NPEPPS: variants seen among roughly 807,000 people sequenced by gnomAD.
The protein encoded by NPEPPS is aminopeptidase puromycin sensitive.
In NPEPPS, 14 loss-of-function variants were observed where a neutral mutation model predicts 115.5. That is an observed-to-expected ratio of 0.12 (90% CI 0.08 to 0.19). The LOEUF (loss-of-function observed/expected upper bound fraction) is 0.19. NPEPPS is among the 10% of genes least tolerant of loss of function. The pLI is 1.00. For missense variants in NPEPPS, 523 were observed against 1,110.8 expected (o/e 0.47, Z 7.52); for synonymous variants, 285 against 390.6 (o/e 0.73, Z 3.19).
At chr17:47,580,503 G>A (rs561483298) in intron 4 of NPEPPS, 1 of 152,026 alleles carries the variant, frequency 6.6e-6, no homozygotes, top group Non-Finnish European at 1.5e-5. Flanking sequence ...GATTTACTGG[G>A]TATATAGATT....
At chr17:47,609,203 T>G (rs773145780) in intron 17 of NPEPPS, among the ~76,000 whole-genome samples, 44 of 152,172 alleles carry the variant, frequency 2.9e-4, no homozygotes, top group South Asian at 6.2e-4. Context: ...ATTGCTATAG[T>G]GACAGCTGAA....
intron 12 of NPEPPS, 38 bp downstream of exon 12, chr17:47,592,583 G>T (rs367725452): frequency 6.6e-7 from 1 of 1,522,494 alleles, no homozygotes; most frequent in African/African-American, 1.4e-5. Context: ...TGGAGAGAAA[G>T]TATTGTCACT....
At chr17:47,593,526 C>T (rs1162850958) in intron 12 of NPEPPS, among the ~76,000 whole-genome samples, 5 of 152,088 alleles carry the variant, frequency 3.3e-5, no homozygotes, top group Admixed American at 6.5e-5. Context: ...CACCACTGCA[C>T]TCCAGCCTGG....
chr17:47,561,285 C>T (rs1266566232), intron 2 of NPEPPS, among the ~76,000 whole-genome samples: 1 of 136,286 alleles, frequency 7.3e-6, no homozygotes, highest in Non-Finnish European at 1.5e-5. Flanking sequence ...GGCCGAGGCA[C>T]GAGGATTGCT....
rs1020345442 is a variant in NPEPPS, at chr17:47,599,659, T to C, written c.1537-17T>C. Reference sequence around the variant, plus strand: ...GATGGTGTCAGTACTATTATAGCCTTTGTTTTGCTTCTTTAGGTAGAAGAT... The same window carrying C: ...GATGGTGTCAGTACTATTATAGCCTCTGTTTTGCTTCTTTAGGTAGAAGAT... On this transcript the variant is annotated splice_polypyrimidine_tract_variant and intron_variant, in intron 13 of 22. Transcript: ENST00000322157. The C allele has an allele frequency of 9.7e-6, 15 of 1,553,718 alleles. No homozygotes were observed. The highest frequency in any genetic ancestry group is 1.4e-5 in the African/African-American group (1 of 73,344).
intron 1 of NPEPPS, among the ~76,000 whole-genome samples, chr17:47,525,936 C>T (rs1339267760): frequency 2.6e-5 from 4 of 152,162 alleles, no homozygotes; most frequent in Non-Finnish European, 4.4e-5. Flanking sequence ...ATAGGCCAGG[C>T]GCGGTGGCTC....
Position 47,554,519 on chromosome 17 carries a change from C to G in NPEPPS, c.340+8526C>G, listed in dbSNP as rs145133062. Among the ~76,000 whole-genome samples, 611 of 152,020 alleles carry G rather than the reference C, an allele frequency of 4.0e-3. 4 individuals carry two copies. The highest frequency in any genetic ancestry group is 4.4e-3 in the Non-Finnish European group (300 of 68,008). ...TAGGACTATAGGTGTGCACCAACACCCAGCAAATTTGTAAAAATTTTTTGT... is the reference window on the plus strand; with the variant it reads ...TAGGACTATAGGTGTGCACCAACACGCAGCAAATTTGTAAAAATTTTTTGT... On this transcript the variant is annotated intron_variant, in intron 2 of 22. Coordinates refer to ENST00000322157, the MANE Select transcript of NPEPPS (RefSeq NM_006310.4).
intron 2 of NPEPPS, among the ~76,000 whole-genome samples, chr17:47,565,236 C>T (rs955187306): frequency 2.0e-5 from 3 of 152,128 alleles, no homozygotes; most frequent in East Asian, 1.9e-4. Context: ...TGAGGCTGGG[C>T]GTGGTGGCTT....
At chr17:47,564,114 G>A (rs940881872) in intron 2 of NPEPPS, among the ~76,000 whole-genome samples, 12 of 151,824 alleles carry the variant, frequency 7.9e-5, no homozygotes, top group African/African-American at 2.9e-4. Context: ...TGTATGTTTA[G>A]TTTTACCATG....
At chr17:47,539,100 C>CTTTT (rs551077364) in intron 1 of NPEPPS, among the ~76,000 whole-genome samples, 4 of 135,446 alleles carry the variant, frequency 3.0e-5, no homozygotes, top group East Asian at 2.1e-4. Context: ...TCATCTAGGC[C>CTTTT]TTTTTTTTTT....
chr17:47,552,329 CAAAT>C (rs1432928477), intron 2 of NPEPPS, among the ~76,000 whole-genome samples: 3 of 152,082 alleles, frequency 2.0e-5, no homozygotes, highest in African/African-American at 7.2e-5. Flanking sequence ...GATCCATTCT[CAAAT>C]AAACAACCCT....
At chr17:47,620,026 A>T in intron 22 of NPEPPS, 1 of 379,606 alleles carries the variant, frequency 2.6e-6, no homozygotes, top group Non-Finnish European at 4.9e-6. Context: ...TGAGGTCAGG[A>T]CTTCAAGACC....
chr17:47,550,740 C>T (rs1488930588), intron 2 of NPEPPS, among the ~76,000 whole-genome samples: 1 of 151,406 alleles, frequency 6.6e-6, no homozygotes, highest in Non-Finnish European at 1.5e-5. Context: ...AATTCTCCTG[C>T]CTCAGCCTCC....
chr17:47,536,289 A>G (rs1206890230), intron 1 of NPEPPS, among the ~76,000 whole-genome samples: 4 of 152,160 alleles, frequency 2.6e-5, no homozygotes, highest in Non-Finnish European at 2.9e-5. Context: ...ATAGTTGCCA[A>G]TATAGTAGTT....
intron 1 of NPEPPS, among the ~76,000 whole-genome samples, chr17:47,534,853 G>C (rs1908079008): frequency 6.6e-6 from 1 of 151,950 alleles, no homozygotes; most frequent in African/African-American, 2.4e-5. Flanking sequence ...ATAGGCATGA[G>C]CCACCATGCC....
chr17:47,532,305 C>G (rs528812141), intron 1 of NPEPPS, among the ~76,000 whole-genome samples: 1 of 152,250 alleles, frequency 6.6e-6, no homozygotes, highest in South Asian at 2.1e-4. Flanking sequence ...AGCTTTGCGG[C>G]CTTCGAAGCT....
intron 19 of NPEPPS, 109 bp from the exon 20 acceptor site, chr17:47,618,241 G>A: frequency 3.0e-6 from 2 of 670,274 alleles, no homozygotes; most frequent in Non-Finnish European, 5.2e-6. Flanking sequence ...CTTACCTAGT[G>A]AGAATATAGA....
At chr17:47,561,961 C>A (rs948365859) in intron 2 of NPEPPS, among the ~76,000 whole-genome samples, 1 of 152,238 alleles carries the variant, frequency 6.6e-6, no homozygotes, top group African/African-American at 2.4e-5. Context: ...TCAGTCGTGA[C>A]TGTCCAGTGA....
intron 3 of NPEPPS, among the ~76,000 whole-genome samples, chr17:47,574,042 T>TA (rs1911358437): frequency 6.6e-6 from 1 of 151,356 alleles, no homozygotes; most frequent in Non-Finnish European, 1.5e-5. Flanking sequence ...GAAGACTTGT[T>TA]ATGGAAATTA....
Sources: gnomAD v4.1 joint callset for allele counts (sites outside exome capture counted in the v4.1 genomes callset) on GRCh38, gnomAD v4.1.1 for gene constraint, MANE v1.5 for transcripts, NCBI Gene and HGNC (gene_info 2026-07-23, HGNC 2026-07-21) for gene names.